Variants in CRYGA observed in about 807,000 individuals in gnomAD.
CRYGA encodes crystallin gamma A, also known as gamma-crystallin A.
A neutral mutation model predicts 13.8 loss-of-function variants in CRYGA; 11 were observed. That is an observed-to-expected ratio of 0.80 (90% CI 0.50 to 1.32). The LOEUF is 1.32. CRYGA is among the 40% of genes most tolerant of loss of function. CRYGA has a pLI of 0.00. For missense variants in CRYGA, 271 were observed against 234.1 expected (o/e 1.16, Z -1.03); for synonymous variants, 97 against 89.3 (o/e 1.09, Z -0.48).
At position 208,163,419 on chromosome 2, in the gene CRYGA, G is replaced by T; in HGVS notation, c.37C>A (p.Gln13Lys). ...KITFYEDRDFQGRCYNCISDC... is the reference protein window; with the variant it reads ...KITFYEDRDFKGRCYNCISDC... ...CTGATGCAATTGTAGCAGCGACCCT[G>T]AAAGTCTCGGTCCTCGTAGAAGGTG... The change falls in exon 2 of 3, where the codon CAG becomes AAG. Residue 13 changes from glutamine to lysine, a missense_variant. By Grantham distance (53) the Gln-to-Lys change is moderately conservative (BLOSUM62 1). Transcript: ENST00000304502. 1 of 1,613,826 alleles carries T rather than the reference G, an allele frequency of 6.2e-7. No individual in the cohort carries two copies. Among genetic ancestry groups the T allele is most frequent in the Non-Finnish European group, 8.5e-7 (1 of 1,179,976 alleles).
rs10932243 is a variant in CRYGA at position 208,162,930 on chromosome 2, G to A, written c.252+274C>T. 7.7e-3 allele frequency among the ~76,000 whole-genome samples: 1,120 copies of A among 144,884 alleles called. 15 individuals carry two copies. The highest frequency in any genetic ancestry group is 0.027 in the African/African-American group (1,066 of 39,514). ...TTTTTTTTTTTTACTACTGAATAAG[G>A]TGACTTTTATGTAGAAATTAGGGAT... On this transcript the variant is annotated intron_variant, in intron 2 of 2. Coordinates refer to ENST00000304502, the MANE Select transcript of CRYGA (RefSeq NM_014617.4).
intron 2 of CRYGA, among the ~76,000 whole-genome samples, chr2:208,162,308 G>A (rs1228326382): frequency 1.3e-5 from 2 of 152,126 alleles, no homozygotes; most frequent in African/African-American, 4.8e-5. Context: ...AATACATGCT[G>A]CACGTGATTA....
In CRYGA at chr2:208,163,336, G is replaced by C. The variant is rs773733603; in HGVS notation, c.120C>G (p.Ser40Arg). 5 of 1,613,910 alleles carry C rather than the reference G, an allele frequency of 3.1e-6. No homozygotes were observed. In the South Asian group the frequency reaches 5.5e-5, roughly 18 times the overall value. ...GACGCTCATAGAGCATCCAGCAGCC[G>C]CTGTCTACTCGGATGGAGTTGCAGC... The part of the protein sequence containing the change: ...FSRCNSIRVD[S>R]GCWMLYERPN... Residue 40 changes from serine to arginine, a missense_variant, in exon 2 of 3, where the codon AGC becomes AGG. By Grantham distance (110) the Ser-to-Arg change is moderately radical. Coordinates refer to ENST00000304502, the MANE Select transcript of CRYGA (RefSeq NM_014617.4).
intron 2 of CRYGA, 51 bp downstream of exon 2, chr2:208,163,153 G>A (rs752251453): frequency 1.3e-6 from 2 of 1,495,766 alleles, no homozygotes; most frequent in African/African-American, 2.8e-5. Context: ...AGGAATTGAT[G>A]GCCATGGATC....
At chr2:208,161,199 G>T (rs2441351) in intron 2 of CRYGA, 123 bp from the exon 3 acceptor site, 242,280 of 979,956 alleles carry the variant, frequency 0.25, 33,423 homozygotes, top group East Asian at 0.56. Flanking sequence ...TGAGATAAAG[G>T]TCTTGCTGTG....
intron 2 of CRYGA, among the ~76,000 whole-genome samples, chr2:208,162,905 T>C (rs958084938): frequency 2.7e-5 from 4 of 150,244 alleles, no homozygotes; most frequent in African/African-American, 7.3e-5. Flanking sequence ...TTCTTTCTTT[T>C]TTTTTTTTTT....
At chr2:208,161,752 G>C (rs1695764065) in intron 2 of CRYGA, among the ~76,000 whole-genome samples, 1 of 152,004 alleles carries the variant, frequency 6.6e-6, no homozygotes, top group Non-Finnish European at 1.5e-5. Flanking sequence ...TATCAAGCTT[G>C]TTTTTGAGTC....
intron 2 of CRYGA, among the ~76,000 whole-genome samples, chr2:208,162,916 T>A (rs560820763): frequency 7.8e-4 from 106 of 135,542 alleles, no homozygotes; most frequent in African/African-American, 2.7e-3. Flanking sequence ...TTTTTTTTTT[T>A]ACTACTGAAT....
At chr2:208,162,584 G>A (rs913830891) in intron 2 of CRYGA, among the ~76,000 whole-genome samples, 1 of 151,858 alleles carries the variant, frequency 6.6e-6, no homozygotes, top group Non-Finnish European at 1.5e-5. Context: ...ATGGCCGGGC[G>A]CAGTGGCTCA....
rs756792544 is a variant in CRYGA, at chr2:208,163,236, C to T, written c.220G>A (p.Asp74Asn). 22 of 1,613,780 alleles carry T rather than the reference C, an allele frequency of 1.4e-5. No homozygotes were observed. Among genetic ancestry groups the T allele is most frequent in the East Asian group, 4.5e-5 (2 of 44,844 alleles). ...ATTATACGGCAGGATTGGACCGAGT[C>T]GCTGAGGCCCATCCAGTGCTGATAG... Reference protein sequence around the residue: ...PDYQHWMGLSDSVQSCRIIPH... With the variant: ...PDYQHWMGLSNSVQSCRIIPH... Residue 74 changes from aspartate to asparagine, a missense_variant, in exon 2 of 3, where the codon GAC becomes AAC. By Grantham distance (23) the Asp-to-Asn change is conservative. Coordinates refer to ENST00000304502, the MANE Select transcript of CRYGA (RefSeq NM_014617.4).
At chr2:208,161,341 T>G (rs905890114) in intron 2 of CRYGA, among the ~76,000 whole-genome samples, 2 of 152,056 alleles carry the variant, frequency 1.3e-5, no homozygotes. Flanking sequence ...CCCGGCTAAT[T>G]TATTTTTAAA....
At chr2:208,161,957 A>T (rs1383157271) in intron 2 of CRYGA, among the ~76,000 whole-genome samples, 1 of 151,184 alleles carries the variant, frequency 6.6e-6, no homozygotes. Context: ...ATTTTTTTTT[A>T]GACGAAGTCT....
chr2:208,162,022 C>T (rs944673773), intron 2 of CRYGA, among the ~76,000 whole-genome samples: 2 of 151,994 alleles, frequency 1.3e-5, no homozygotes, highest in Admixed American at 6.6e-5. Context: ...CTGCAACCTC[C>T]GACTCCTGGG....
rs757469338 is a variant in CRYGA at position 208,163,446 on chromosome 2, T to A, written c.10A>T (p.Ile4Phe). ...AAGTCTCGGTCCTCGTAGAAGGTGA[T>A]CTGAGGTAGAAATAAGGTGACAGTA... MGK[I>F]TFYEDRDFQG... Residue 4 changes from isoleucine (I) to phenylalanine (F), a missense_variant and splice_region_variant, in exon 2 of 3, where the codon ATC becomes TTC. Transcript: ENST00000304502. 6.2e-7 allele frequency: 1 copy of A among 1,613,264 alleles called. No individual in the cohort carries two copies. The highest frequency in any genetic ancestry group is 8.5e-7 in the Non-Finnish European group (1 of 1,179,924).
At position 208,160,810 on chromosome 2, in the gene CRYGA, CAAATCG is replaced by C. The variant is rs747567907; in HGVS notation, c.513_518del (p.Asp172_Leu173del). 102 of 1,602,698 alleles carry C rather than the reference CAAATCG, an allele frequency of 6.4e-5. No individual in the cohort carries two copies. Among genetic ancestry groups the C allele is most frequent in the Non-Finnish European group, 8.2e-5 (96 of 1,170,520 alleles). ...ACAACAAGGCAGGCACAGCTTAGTA[CAAATCG>C]GTGACCCGTCTCAAAGAGCCGACTT... On this transcript the variant is annotated inframe_deletion, in exon 3 of 3. Transcript: ENST00000304502.
chr2:208,163,511 C>T, intron 1 of CRYGA, 37 bp downstream of exon 1: 1 of 1,611,600 alleles, frequency 6.2e-7, no homozygotes, highest in Admixed American at 1.7e-5. Flanking sequence ...CACCACAGAC[C>T]CCCAATAGAC....
intron 2 of CRYGA, 50 bp from the exon 3 acceptor site, chr2:208,161,126 G>T (rs534897186): frequency 6.4e-7 from 1 of 1,566,968 alleles, no homozygotes; most frequent in South Asian, 1.1e-5. Context: ...TGCATCCTTG[G>T]GTGTCAACGA....
intron 1 of CRYGA, 32 bp downstream of exon 1, chr2:208,163,516 A>G (rs778747832): frequency 1.1e-5 from 17 of 1,611,674 alleles, no homozygotes; most frequent in Admixed American, 6.7e-5. Flanking sequence ...CAGACCCCCA[A>G]TAGACATGGC....
Position 208,160,953 on chromosome 2 carries a change from C to G in CRYGA, c.376G>C (p.Val126Leu), listed in dbSNP as rs768265455. 1 of 1,613,306 alleles carries G rather than the reference C, an allele frequency of 6.2e-7. No individual in the cohort carries two copies. Among genetic ancestry groups the G allele is most frequent in the East Asian group, 2.2e-5 (1 of 44,860 alleles). Residue 126 changes from valine to leucine, a missense_variant, in exon 3 of 3, where the codon GTA (valine) becomes CTA (leucine). Physicochemically the swap from Val to Leu is conservative, Grantham distance 32 (BLOSUM62 1). Transcript: ENST00000304502. ...FRLPEIYSLH[V>L]LEGCWVLYEM... ...TAGAGGACCCAGCAGCCCTCCAGTA[C>G]GTGGAGGGAATAGATCTCAGGGAGA...
Sources: allele counts gnomAD v4.1 joint callset (sites outside exome capture counted in the v4.1 genomes callset), GRCh38; gene constraint gnomAD v4.1.1; transcripts MANE v1.5; gene names NCBI Gene and HGNC (gene_info 2026-07-23, HGNC 2026-07-21).